The following FSD1L variants were observed in gnomAD, a reference collection of about 807,000 sequenced individuals.
FSD1L encodes fibronectin type III and SPRY domain containing 1 like.
FSD1L carries 45 observed loss-of-function variants against 71.6 expected under a neutral mutation model. The ratio of observed to expected loss-of-function variants is 0.63; its 90% CI spans 0.49 to 0.81. FSD1L has a LOEUF of 0.81. FSD1L is among the 30% of genes least tolerant of loss of function. FSD1L has a pLI of 0.00. For synonymous variants in FSD1L, 197 were observed against 207.2 expected, an observed-to-expected ratio of 0.95 and a Z score of 0.42; for missense variants, 561 against 618.1, an observed-to-expected ratio of 0.91 and a Z score of 0.98.
chr9:105,496,543 A>G (rs984297516), intron 7 of FSD1L, among the ~76,000 whole-genome samples: 4 of 152,172 alleles, frequency 2.6e-5, no homozygotes, highest in Non-Finnish European at 4.4e-5. Context: ...ATGTCTCTAC[A>G]TTGATTTAGT....
intron 1 of FSD1L, among the ~76,000 whole-genome samples, chr9:105,452,057 A>G (rs578254363): frequency 6.6e-6 from 1 of 152,256 alleles, no homozygotes; most frequent in Admixed American, 6.5e-5. Context: ...GTGACAGGTG[A>G]GGCTTGACTG....
In FSD1L at chr9:105,512,856, T is replaced by TGAA. The variant is rs1278843340; in HGVS notation, c.948_950dup (p.Glu316dup). The TGAA allele has an allele frequency of 6.5e-7, 1 of 1,541,152 alleles. No individual in the cohort carries two copies. Among genetic ancestry groups the TGAA allele is most frequent in the African/African-American group, 1.4e-5 (1 of 72,810 alleles). On this transcript the variant is annotated inframe_insertion, in exon 10 of 14. Coordinates refer to ENST00000481272, the MANE Select transcript of FSD1L (RefSeq NM_001145313.3). ...CCTCATCCCATTTGAACCTGAAAGTTGAAGATACATGTGTAGAGTGGGATC... is the reference window on the plus strand; with the variant it reads ...CCTCATCCCATTTGAACCTGAAAGTTGAAGAAGATACATGTGTAGAGTGGGATC...
chr9:105,540,564 A>G (rs1482028906), intron 13 of FSD1L, among the ~76,000 whole-genome samples: 1 of 152,148 alleles, frequency 6.6e-6, no homozygotes, highest in South Asian at 2.1e-4. Flanking sequence ...TTACAATGCA[A>G]GTACAATGTA....
chr9:105,534,464 G>T (rs200271529), intron 10 of FSD1L, 29 bp from the exon 11 acceptor site: 4 of 1,229,460 alleles, frequency 3.3e-6, no homozygotes, highest in Non-Finnish European at 4.6e-6. Flanking sequence ...TAAAATATTT[G>T]TTTTTCTTTT....
At chr9:105,455,105 G>A (rs1016451852) in intron 1 of FSD1L, among the ~76,000 whole-genome samples, 2 of 152,144 alleles carry the variant, frequency 1.3e-5, no homozygotes, top group Admixed American at 6.5e-5. Flanking sequence ...CTTTATCACT[G>A]TATGGTAAAC....
At chr9:105,473,532 T>A (rs923154767) in intron 5 of FSD1L, among the ~76,000 whole-genome samples, 4 of 152,204 alleles carry the variant, frequency 2.6e-5, no homozygotes, top group African/African-American at 9.6e-5. Flanking sequence ...TTTTCAGTAT[T>A]TTTCTTTCTG....
intron 13 of FSD1L, among the ~76,000 whole-genome samples, chr9:105,541,290 T>C (rs1479337963): frequency 1.9e-5 from 1 of 51,886 alleles, no homozygotes; most frequent in Non-Finnish European, 4.8e-5. Flanking sequence ...TCTTTTTCCT[T>C]TTTTTTTTTT....
upstream of FSD1L, among the ~76,000 whole-genome samples, chr9:105,443,757 C>A (rs1040938046): frequency 2.0e-5 from 3 of 151,990 alleles, no homozygotes; most frequent in African/African-American, 7.3e-5. Context: ...CACAGCAAGA[C>A]CATGTCTCTG....
At chr9:105,458,625 A>T (rs1289608329) in intron 1 of FSD1L, among the ~76,000 whole-genome samples, 1 of 152,148 alleles carries the variant, frequency 6.6e-6, no homozygotes, top group Non-Finnish European at 1.5e-5. Context: ...TGATTGGTCC[A>T]TGGGTGGGCG....
At chr9:105,458,033 TC>T (rs1370066426) in intron 1 of FSD1L, among the ~76,000 whole-genome samples, 21 of 152,088 alleles carry the variant, frequency 1.4e-4, no homozygotes, top group African/African-American at 5.1e-4. Context: ...CCTCTCTTGT[TC>T]CTGCCACCTG....
At chr9:105,511,342 A>T (rs1198741081) in intron 9 of FSD1L, among the ~76,000 whole-genome samples, 1 of 152,052 alleles carries the variant, frequency 6.6e-6, no homozygotes. Flanking sequence ...GTGGCACCTT[A>T]GAGTTAAATC....
intron 12 of FSD1L, among the ~76,000 whole-genome samples, chr9:105,538,283 A>C (rs1223615000): frequency 6.6e-6 from 1 of 152,252 alleles, no homozygotes; most frequent in African/African-American, 2.4e-5. Flanking sequence ...TCGAGATCAA[A>C]GTACTGGGTA....
At chr9:105,455,159 G>A (rs1250515704) in intron 1 of FSD1L, among the ~76,000 whole-genome samples, 1 of 152,294 alleles carries the variant, frequency 6.6e-6, no homozygotes, top group African/African-American at 2.4e-5. Context: ...GAATGATCCT[G>A]TATGGCAGAC....
chr9:105,487,786 A>G (rs187382212), intron 7 of FSD1L, among the ~76,000 whole-genome samples: 1 of 152,258 alleles, frequency 6.6e-6, no homozygotes, highest in Non-Finnish European at 1.5e-5. Context: ...AGATTTTATA[A>G]AGGTCTTACT....
chr9:105,477,141 A>C (rs1831857983), intron 5 of FSD1L, among the ~76,000 whole-genome samples: 1 of 152,166 alleles, frequency 6.6e-6, no homozygotes, highest in South Asian at 2.1e-4. Flanking sequence ...TACCTTATTA[A>C]ATTTAGTAAC....
At position 105,492,608 on chromosome 9, in the gene FSD1L, A is replaced by G. The variant is rs550671364; in HGVS notation, c.586+8106A>G. ...TGTGATGTTAGGGTGTGAATTTTGGATCTTTTCTGCTTTCTCTTGTGGGCA... is the reference window on the plus strand; with the variant it reads ...TGTGATGTTAGGGTGTGAATTTTGGGTCTTTTCTGCTTTCTCTTGTGGGCA... On this transcript the variant is annotated intron_variant, in intron 7 of 13. Coordinates refer to ENST00000481272, the MANE Select transcript of FSD1L (RefSeq NM_001145313.3). Among the ~76,000 whole-genome samples the G allele has an allele frequency of 2.6e-5, 4 of 151,862 alleles. No individual in the cohort carries two copies. In the South Asian group the frequency reaches 8.3e-4, roughly 32 times the overall value.
Position 105,481,587 on chromosome 9 carries a change from G to A in FSD1L, c.464+2211G>A, listed in dbSNP as rs543887751. On this transcript the variant is annotated intron_variant, in intron 6 of 13. Coordinates refer to ENST00000481272, the MANE Select transcript of FSD1L (RefSeq NM_001145313.3). ...ATTACAGGTGTGAGCCACTGTGCCC[G>A]GCCCTTCAACTTAATTTTTAAAATT... Among the ~76,000 whole-genome samples, 436 of 151,854 alleles carry A rather than the reference G, an allele frequency of 2.9e-3. 1 individual carries two copies. Among genetic ancestry groups the A allele is most frequent in the African/African-American group, 0.01 (421 of 41,418 alleles).
chr9:105,474,556 T>G (rs1831672435), intron 5 of FSD1L, among the ~76,000 whole-genome samples: 1 of 152,250 alleles, frequency 6.6e-6, no homozygotes, highest in South Asian at 2.1e-4. Context: ...AACACCTACT[T>G]GCTGACTGAA....
At chr9:105,484,314 A>G in intron 6 of FSD1L, 67 bp from the exon 7 acceptor site, 1 of 1,199,158 alleles carries the variant, frequency 8.3e-7, no homozygotes, top group Non-Finnish European at 1.1e-6. Context: ...TTTTCATTTT[A>G]TAAATTAAAT....
Sources: gnomAD v4.1 joint callset for allele counts (sites outside exome capture counted in the v4.1 genomes callset) on GRCh38, gnomAD v4.1.1 for gene constraint, MANE v1.5 for transcripts, NCBI Gene and HGNC (gene_info 2026-07-23, HGNC 2026-07-21) for gene names.